MERTK: variants seen among roughly 807,000 people sequenced by gnomAD.
MERTK encodes the protein tyrosine-protein kinase Mer.
Under a neutral mutation model 99.3 loss-of-function variants are expected in MERTK, and 69 were observed. The observed-to-expected ratio is 0.70, with a 90% CI of 0.57 to 0.85. MERTK has a LOEUF of 0.85. Ranked by LOEUF, MERTK falls within the 40% of genes least tolerant of loss-of-function variation. MERTK has a pLI of 0.00. For missense variants in MERTK, 1,125 were observed against 1,249.4 expected (o/e 0.90, Z 1.50); for synonymous variants, 426 against 467.6 (o/e 0.91, Z 1.15).
intron 8 of MERTK, among the ~76,000 whole-genome samples, chr2:111,983,912 G>C (rs919318598): frequency 3.3e-5 from 5 of 152,206 alleles, no homozygotes; most frequent in Admixed American, 3.3e-4. Context: ...AGAAAAGGTG[G>C]TACTTGAATT....
At chr2:112,014,243 G>A (rs995785343) in intron 15 of MERTK, among the ~76,000 whole-genome samples, 4 of 151,916 alleles carry the variant, frequency 2.6e-5, no homozygotes, top group Non-Finnish European at 5.9e-5. Context: ...GGATGGTCTC[G>A]ATCTCCTGAC....
At chr2:111,999,498 A>C (rs1451913232) in intron 10 of MERTK, among the ~76,000 whole-genome samples, 1 of 152,086 alleles carries the variant, frequency 6.6e-6, no homozygotes, top group Non-Finnish European at 1.5e-5. Context: ...GAGGCATCTC[A>C]CTTTGTTTCC....
chr2:111,960,196 T>G (rs1685219297), intron 4 of MERTK, among the ~76,000 whole-genome samples: 1 of 152,058 alleles, frequency 6.6e-6, no homozygotes, highest in Middle Eastern at 3.2e-3. Context: ...AATTCCAAAT[T>G]TTGGCTGGAC....
chr2:111,914,498 T>G (rs10184647), intron 1 of MERTK, among the ~76,000 whole-genome samples: 10,061 of 152,208 alleles, frequency 0.066, 388 homozygotes, highest in African/African-American at 0.11. Flanking sequence ...ATGCTGGTCT[T>G]GAACTCCTGA....
At chr2:111,912,583 A>T (rs1256159503) in intron 1 of MERTK, among the ~76,000 whole-genome samples, 1 of 152,114 alleles carries the variant, frequency 6.6e-6, no homozygotes, top group African/African-American at 2.4e-5. Context: ...CAGCCCCATT[A>T]TATGTTGCCA....
At chr2:111,941,098 C>A (rs1231249478) in intron 2 of MERTK, 3 of 392,752 alleles carry the variant, frequency 7.6e-6, no homozygotes, top group South Asian at 2.7e-5. Context: ...GCTTATCCGT[C>A]ACTAACTTCC....
intron 8 of MERTK, among the ~76,000 whole-genome samples, chr2:111,984,032 G>T (rs1676423553): frequency 6.6e-6 from 1 of 152,226 alleles, no homozygotes; most frequent in African/African-American, 2.4e-5. Flanking sequence ...AGGCTGAGAA[G>T]TCTCACGATC....
At chr2:111,915,021 A>C (rs564383411) in intron 1 of MERTK, among the ~76,000 whole-genome samples, 1 of 152,262 alleles carries the variant, frequency 6.6e-6, no homozygotes, top group South Asian at 2.1e-4. Flanking sequence ...CTGGGCCTGG[A>C]GATTTGTTTT....
At chr2:111,945,687 T>C (rs946060397) in intron 3 of MERTK, among the ~76,000 whole-genome samples, 12 of 152,224 alleles carry the variant, frequency 7.9e-5, no homozygotes, top group Non-Finnish European at 1.5e-4. Context: ...TAATGGGCAA[T>C]GTGAGCTGAT....
chr2:112,010,608 C>G (rs183579558), intron 15 of MERTK, among the ~76,000 whole-genome samples: 3 of 152,258 alleles, frequency 2.0e-5, no homozygotes, highest in Middle Eastern at 3.4e-3. Context: ...AGTTACGGAT[C>G]ATCTAGGAAA....
chr2:111,983,124 G>A (rs1676406145), intron 8 of MERTK, 131 bp downstream of exon 8: 2 of 996,220 alleles, frequency 2.0e-6, no homozygotes, highest in African/African-American at 1.6e-5. Context: ...ACCTTTCAGG[G>A]GAACATAAAG....
At chr2:111,945,453 C>T (rs537000845) in intron 3 of MERTK, among the ~76,000 whole-genome samples, 11 of 152,338 alleles carry the variant, frequency 7.2e-5, no homozygotes, top group South Asian at 4.1e-4. Flanking sequence ...GCTTATTATT[C>T]AGCATCTTTT....
At chr2:112,012,990 A>G (rs1677137454) in intron 15 of MERTK, among the ~76,000 whole-genome samples, 1 of 152,128 alleles carries the variant, frequency 6.6e-6, no homozygotes, top group South Asian at 2.1e-4. Context: ...TTGGTATCTT[A>G]CGCCTGTGTG....
intron 1 of MERTK, among the ~76,000 whole-genome samples, chr2:111,918,605 G>A (rs549967333): frequency 2.4e-4 from 37 of 152,328 alleles, no homozygotes; most frequent in Non-Finnish European, 7.3e-5. Context: ...AAGTAAACAT[G>A]ATATTGTATA....
In MERTK at chr2:111,975,350, C is replaced by A. The variant is rs1369942191; in HGVS notation, c.1022C>A (p.Pro341Gln). ...ATGATTTTTAACACCTCTGCCTTAC[C>A]ACATCTGTACCAAATCAAGCAGCTG... ...SVMIFNTSAL[P>Q]HLYQIKQLQA... The change falls in exon 7 of 19, where the codon CCA (proline) becomes CAA (glutamine). Residue 341 changes from proline to glutamine, a missense_variant. Physicochemically the swap from Pro to Gln is moderately conservative, Grantham distance 76. Coordinates refer to ENST00000295408, the MANE Select transcript of MERTK (RefSeq NM_006343.3). 1 of 1,614,150 alleles carries A rather than the reference C, an allele frequency of 6.2e-7. No individual in the cohort carries two copies. The highest frequency in any genetic ancestry group is 8.5e-7 in the Non-Finnish European group (1 of 1,180,016).
At chr2:111,947,684 T>C (rs1026740349) in intron 4 of MERTK, 117 bp downstream of exon 4, 4 of 1,253,250 alleles carry the variant, frequency 3.2e-6, no homozygotes, top group Non-Finnish European at 4.6e-6. Flanking sequence ...AATACAGGTG[T>C]GGCAGCAAAG....
At chr2:112,011,119 C>T (rs1677093620) in intron 15 of MERTK, among the ~76,000 whole-genome samples, 1 of 152,206 alleles carries the variant, frequency 6.6e-6, no homozygotes, top group Non-Finnish European at 1.5e-5. Flanking sequence ...AGTATGAGGA[C>T]CGCTGAGTGC....
At chr2:112,018,988 T>A (rs1677274683) in intron 15 of MERTK, among the ~76,000 whole-genome samples, 1 of 150,028 alleles carries the variant, frequency 6.7e-6, no homozygotes, top group African/African-American at 2.5e-5. Context: ...CTAAGTGGAC[T>A]TTTCCCCTCC....
intron 8 of MERTK, 123 bp downstream of exon 8, chr2:111,983,116 C>A: frequency 9.4e-7 from 1 of 1,067,040 alleles, no homozygotes; most frequent in Admixed American, 2.0e-5. Context: ...GGCAAGGCAC[C>A]TTTCAGGGGA....
Sources: gnomAD v4.1 joint callset for allele counts (sites outside exome capture counted in the v4.1 genomes callset) on GRCh38, gnomAD v4.1.1 for gene constraint, MANE v1.5 for transcripts, NCBI Gene and HGNC (gene_info 2026-07-23, HGNC 2026-07-21) for gene names.